The following SEPTIN3 variants were observed in gnomAD, a reference collection of about 807,000 sequenced individuals.
SEPTIN3 encodes septin 3.
A neutral mutation model predicts 45.1 loss-of-function variants in SEPTIN3; 15 were observed. The ratio of observed to expected loss-of-function variants is 0.33; its 90% CI spans 0.22 to 0.51. SEPTIN3 has a LOEUF of 0.51. Among genes scored for constraint, SEPTIN3 ranks in the 20% least tolerant of loss-of-function variants. SEPTIN3 has a pLI of 0.97. For missense variants in SEPTIN3, 289 were observed against 457.2 expected (o/e 0.63, Z 3.35); for synonymous variants, 148 against 164.8 (o/e 0.90, Z 0.78).
chr22:41,980,436 A>G lies in SEPTIN3; in HGVS notation c.1505-1209A>G, dbSNP rs376415957. 5.9e-5 allele frequency among the ~76,000 whole-genome samples: 9 copies of G among 152,128 alleles called. No individual in the cohort carries two copies. In the East Asian group the frequency reaches 1.2e-3, roughly 20 times the overall value. On this transcript the variant is annotated intron_variant, in intron 2 of 11. Transcript: ENST00000644076. ...CAGGCGTGAGCCACCGCGCCCGGCC[A>G]TTGCTCAGTGCTTCTAAGCATCATG...
At chr22:41,993,721 T>G (rs1569441328) in intron 9 of SEPTIN3, among the ~76,000 whole-genome samples, 1 of 152,148 alleles carries the variant, frequency 6.6e-6, no homozygotes, top group Non-Finnish European at 1.5e-5. Flanking sequence ...CTCAAACTCC[T>G]GGGCTCCAGT....
chr22:41,994,883 C>CTGTG lies in SEPTIN3; in HGVS notation c.2505+206_2505+209dup, dbSNP rs59942714. 262,017 of 1,269,090 alleles carry CTGTG rather than the reference C, an allele frequency of 0.21. 4,670 individuals carry two copies. The highest frequency in any genetic ancestry group is 0.25 in the East Asian group (6,845 of 27,610). The allele number at this position is 1,269,090 out of a possible 1,614,324, so 78.6% of individuals were successfully genotyped here. A position where few individuals can be genotyped will look rare whatever the true frequency, so the allele number is the denominator to read the frequency against. On this transcript the variant is annotated intron_variant, in intron 11 of 11. Transcript: ENST00000644076. This position sits in a 1 kb window ranked among gnomAD's most constrained non-coding sequence, Gnocchi z 4.2. The stretch of plus-strand genomic sequence containing the variant: ...GTCTGGTATTTGTGGAGCATCTTGT[C>CTGTG]TGTGTGTGTGTGTGTGTGTGTGTGT...
chr22:41,996,982 G>A lies in SEPTIN3; in HGVS notation c.*15G>A, dbSNP rs370808605. 13 of 1,613,836 alleles carry A rather than the reference G, an allele frequency of 8.1e-6. No individual in the cohort carries two copies. In the East Asian group the frequency reaches 1.8e-4, roughly 22 times the overall value. On this transcript the variant is annotated 3_prime_UTR_variant, in exon 12 of 12. Transcript: ENST00000644076. The stretch of plus-strand genomic sequence containing the variant: ...CTGCTGAATGAAGGCCATTTCAAGC[G>A]CTGCTTCTCACTCCATTCCTCTCAG...
intron 9 of SEPTIN3, among the ~76,000 whole-genome samples, chr22:41,993,566 G>A (rs1188636638): frequency 2.0e-5 from 3 of 152,166 alleles, no homozygotes; most frequent in Non-Finnish European, 1.5e-5. Flanking sequence ...ATGTTGGTCA[G>A]GCTGGTCTTG....
At chr22:41,985,090 C>T (rs755449225) in intron 3 of SEPTIN3, among the ~76,000 whole-genome samples, 7 of 150,634 alleles carry the variant, frequency 4.6e-5, no homozygotes, top group Non-Finnish European at 8.9e-5. Context: ...CTCCTCCTGA[C>T]CTCATGATCC....
At position 41,997,364 on chromosome 22, in the gene SEPTIN3, G is replaced by T. The variant is rs2078460523; in HGVS notation, c.*397G>T. 1 of 182,324 alleles carries T rather than the reference G, an allele frequency of 5.5e-6. No individual in the cohort carries two copies. Among genetic ancestry groups the T allele is most frequent in the African/African-American group, 2.4e-5 (1 of 42,360 alleles). The allele number at this position is 182,324 out of a possible 1,614,324, so 11.3% of individuals were successfully genotyped here. A position where few individuals can be genotyped will look rare whatever the true frequency, so the allele number is the denominator to read the frequency against. On this transcript the variant is annotated 3_prime_UTR_variant, in exon 12 of 12. Coordinates refer to ENST00000644076, the MANE Select transcript of SEPTIN3 (RefSeq NM_001363845.2). ...ACTCTTGGCTTCCTTAAAGGGTCAA[G>T]AAAGCAATTTTTCTGCTTACTAGAT...
intron 3 of SEPTIN3, among the ~76,000 whole-genome samples, chr22:41,983,880 G>A (rs1602415459): frequency 6.6e-6 from 1 of 152,166 alleles, no homozygotes; most frequent in East Asian, 1.9e-4. Flanking sequence ...AGCTCCTTGA[G>A]GGTAAGGATC....
intron 2 of SEPTIN3, among the ~76,000 whole-genome samples, chr22:41,973,669 T>C (rs2077983587): frequency 6.9e-6 from 1 of 144,388 alleles, no homozygotes; most frequent in Non-Finnish European, 1.5e-5. Flanking sequence ...CGAGACTCCG[T>C]CTCAAAAAAA....
chr22:41,991,519 C>T (rs1821952266), intron 7 of SEPTIN3, 54 bp from the exon 8 acceptor site: 3 of 1,320,086 alleles, frequency 2.3e-6, no homozygotes, highest in Non-Finnish European at 3.3e-6. Context: ...GCACACACCC[C>T]TCTTTTCCAT....
chr22:41,984,607 C>A (rs1014512615), intron 3 of SEPTIN3, among the ~76,000 whole-genome samples: 7 of 152,190 alleles, frequency 4.6e-5, no homozygotes, highest in Non-Finnish European at 8.8e-5. Flanking sequence ...GTGATCCCGG[C>A]TCACTACAGC....
At chr22:41,992,326 T>C (rs1290262807) in intron 8 of SEPTIN3, among the ~76,000 whole-genome samples, 1 of 151,900 alleles carries the variant, frequency 6.6e-6, no homozygotes, top group East Asian at 1.9e-4. Flanking sequence ...TTGCAGTGAG[T>C]TGAAATTGTG....
rs535419342 is a variant in SEPTIN3, at chr22:41,992,725, G to A, written c.2321G>A (p.Arg774Lys). 110 of 1,612,580 alleles carry A rather than the reference G, an allele frequency of 6.8e-5. 1 individual carries two copies. The South Asian group carries it at 1.1e-3, about 17-fold the overall frequency. The change falls in exon 9 of 12, where the codon AGG (arginine) becomes AAG (lysine). Residue 774 changes from arginine to lysine, a missense_variant. Around this residue, in one of 3 missense-constraint regions of SEPTIN3, gnomAD observed 84 missense variants for 114.7 expected, o/e 0.73. Coordinates refer to ENST00000644076, the MANE Select transcript of SEPTIN3 (RefSeq NM_001363845.2). The part of the protein sequence containing the change: ...SDKEYQVNGK[R>K]VLGRKTPWGI... ...AAGGAGTACCAAGTGAATGGCAAGA[G>A]GGTCCTCGGCCGAAAAACTCCATGG... is the stretch of plus-strand genomic sequence containing the variant.
intron 2 of SEPTIN3, among the ~76,000 whole-genome samples, chr22:41,977,860 T>C (rs1462912986): frequency 6.6e-6 from 1 of 152,204 alleles, no homozygotes; most frequent in Non-Finnish European, 1.5e-5. Flanking sequence ...AGCATGGGAA[T>C]GGAGGGGCTG....
In SEPTIN3 at chr22:41,973,785, A is replaced by G. The variant is rs180723071; in HGVS notation, c.1504+789A>G. ...CACTTGCGGTCAGGAGTTCAAGACT[A>G]GCCTGGCCAACATGGTGATACCCCG... On this transcript the variant is annotated intron_variant, in intron 2 of 11. Transcript: ENST00000644076. Among the ~76,000 whole-genome samples, 441 of 152,234 alleles carry G rather than the reference A, an allele frequency of 2.9e-3. 10 individuals carry two copies. The highest frequency in any genetic ancestry group is 0.027 in the Admixed American group (408 of 15,294).
chr22:41,987,185 A>T, intron 4 of SEPTIN3, 21 bp from the exon 5 acceptor site: 1 of 1,605,974 alleles, frequency 6.2e-7, no homozygotes, highest in Non-Finnish European at 8.5e-7. Flanking sequence ...CCTCTCTGGT[A>T]CATTTTCTTT....
At chr22:41,991,701 G>T in intron 8 of SEPTIN3, 33 bp downstream of exon 8, 2 of 1,365,364 alleles carry the variant, frequency 1.5e-6, no homozygotes, top group Non-Finnish European at 2.1e-6. Flanking sequence ...CTCCACTGAT[G>T]CCCCCTTGCG....
rs907860335 is a variant in SEPTIN3, at chr22:41,976,927, G to A, written c.1504+3931G>A. The stretch of plus-strand genomic sequence containing the variant: ...GGGCGGCGCGGCGGGGCCGCGGGCC[G>A]GGCGGGTGGGAGGAGAGCGCGAAGG... On this transcript the variant is annotated intron_variant, in intron 2 of 11. Transcript: ENST00000644076. This position sits in a 1 kb window ranked among gnomAD's most constrained non-coding sequence, Gnocchi z 5.8. The A allele has an allele frequency of 2.0e-4, 102 of 514,924 alleles. No individual in the cohort carries two copies. Among genetic ancestry groups the A allele is most frequent in the African/African-American group, 1.9e-3 (93 of 48,418 alleles). 31.9% of individuals were successfully genotyped at this position (514,924 alleles called of 1,614,324 possible).
At chr22:41,977,886 C>T (rs914263366) in intron 2 of SEPTIN3, among the ~76,000 whole-genome samples, 4 of 152,174 alleles carry the variant, frequency 2.6e-5, no homozygotes, top group Admixed American at 1.3e-4. Context: ...TGGCTGCAAC[C>T]GAGTCAGGTG....
At chr22:41,986,502 T>C (rs987630202) in intron 4 of SEPTIN3, among the ~76,000 whole-genome samples, 1 of 151,798 alleles carries the variant, frequency 6.6e-6, no homozygotes, top group Non-Finnish European at 1.5e-5. Flanking sequence ...TTTGTTTGTT[T>C]GTTGTTTGTT....
Sources: allele counts gnomAD v4.1 joint callset (sites outside exome capture counted in the v4.1 genomes callset), GRCh38; gene constraint gnomAD v4.1.1; regional missense constraint gnomAD v4.1.1; non-coding constraint Gnocchi (gnomAD v3.1); transcripts MANE v1.5; gene names NCBI Gene and HGNC (gene_info 2026-07-23, HGNC 2026-07-21).